The following KLRG1 variants were observed in gnomAD, a reference collection of about 807,000 sequenced individuals.
The protein encoded by KLRG1 is killer cell lectin like receptor G1.
A neutral mutation model predicts 21.8 loss-of-function variants in KLRG1; 16 were observed. That is an observed-to-expected ratio of 0.73 (90% CI 0.50 to 1.11). KLRG1 has a LOEUF of 1.11. Ranked by LOEUF, KLRG1 falls within the 50% of genes most tolerant of loss-of-function variation. The probability of loss-of-function intolerance (pLI) is 0.00; values close to 1 mark genes in which losing one functional copy is unlikely to be tolerated. For missense variants in KLRG1, 173 were observed against 218.3 expected (o/e 0.79, Z 1.31); for synonymous variants, 69 against 75.9 (o/e 0.91, Z 0.47).
At chr12:9,040,197 A>G in the KLRG1 span, among the ~76,000 whole-genome samples, 1 of 152,238 alleles carries the variant, frequency 6.6e-6, no homozygotes, top group East Asian at 1.9e-4. Flanking sequence ...TAATTTCAGT[A>G]TATGGCACAG....
At chr12:9,136,013 A>G in the KLRG1 span, among the ~76,000 whole-genome samples, 74 of 152,308 alleles carry the variant, frequency 4.9e-4, 3 homozygotes, top group African/African-American at 1.7e-3. Context: ...TTTTAAACAT[A>G]GTAGTACTGG....
the KLRG1 span, among the ~76,000 whole-genome samples, chr12:9,209,072 A>G: frequency 1.3e-5 from 2 of 150,650 alleles, no homozygotes; most frequent in Admixed American, 1.3e-4. Flanking sequence ...TTTGAGCCAT[A>G]CTGTGTGCTA....
the KLRG1 span, chr12:9,149,680 T>C: frequency 2.1e-6 from 3 of 1,444,098 alleles, no homozygotes; most frequent in Non-Finnish European, 2.9e-6. Flanking sequence ...CTAGTCACTT[T>C]ACTACTGGAG....
chr12:9,025,250 C>T, the KLRG1 span, among the ~76,000 whole-genome samples: 10 of 152,154 alleles, frequency 6.6e-5, no homozygotes, highest in Middle Eastern at 3.4e-3. Flanking sequence ...AGTCATATGT[C>T]GGGTCAATAG....
chr12:8,989,066 A>G (rs1475901530), upstream of KLRG1, among the ~76,000 whole-genome samples: 3 of 152,252 alleles, frequency 2.0e-5, no homozygotes, highest in Non-Finnish European at 2.9e-5. Flanking sequence ...AGACCATCAC[A>G]CAATTTGGAC....
chr12:9,131,598 G>A, the KLRG1 span, among the ~76,000 whole-genome samples: 1 of 151,902 alleles, frequency 6.6e-6, no homozygotes, highest in African/African-American at 2.4e-5. Flanking sequence ...ATTCCACAAA[G>A]GATAAGATGT....
At chr12:9,108,455 G>A in the KLRG1 span, among the ~76,000 whole-genome samples, 1 of 152,158 alleles carries the variant, frequency 6.6e-6, no homozygotes, top group Admixed American at 6.5e-5. Context: ...GTGGGATTGT[G>A]TCGTAAATAT....
At chr12:9,035,597 A>G in the KLRG1 span, among the ~76,000 whole-genome samples, 4 of 151,936 alleles carry the variant, frequency 2.6e-5, no homozygotes, top group Non-Finnish European at 4.4e-5. Flanking sequence ...TAAAGTAAAA[A>G]AAAAAAAAAA....
At chr12:8,973,708 T>C (rs1228740026) in intron 1 of KLRG1, among the ~76,000 whole-genome samples, 1 of 152,114 alleles carries the variant, frequency 6.6e-6, no homozygotes, top group African/African-American at 2.4e-5. Flanking sequence ...CATTTATCTG[T>C]GTCTTATTTA....
At chr12:9,166,004 A>G in the KLRG1 span, 1 of 1,559,240 alleles carries the variant, frequency 6.4e-7, no homozygotes, top group Admixed American at 2.1e-5. Context: ...TGTTGGAGGA[A>G]CCACATTCCC....
chr12:9,077,221 G>T, the KLRG1 span: 1 of 944,150 alleles, frequency 1.1e-6, no homozygotes, highest in Non-Finnish European at 1.6e-6. Context: ...GATCTGGGAA[G>T]CACTGGCATT....
chr12:9,057,016 T>TAAA, the KLRG1 span, among the ~76,000 whole-genome samples: 3 of 152,240 alleles, frequency 2.0e-5, no homozygotes, highest in African/African-American at 7.2e-5. Context: ...CACTTCTACG[T>TAAA]AAAACTCTTG....
chr12:9,054,809 A>T, the KLRG1 span, among the ~76,000 whole-genome samples: 1 of 152,218 alleles, frequency 6.6e-6, no homozygotes, highest in African/African-American at 2.4e-5. Flanking sequence ...TCTAATCCAA[A>T]AATCTGACAT....
At chr12:9,202,358 A>G in the KLRG1 span, 2 of 1,614,168 alleles carry the variant, frequency 1.2e-6, no homozygotes, top group Non-Finnish European at 1.7e-6. Context: ...CCACGGAGAC[A>G]ACACGGAATC....
At chr12:9,160,558 A>G in the KLRG1 span, 1 of 1,437,548 alleles carries the variant, frequency 7.0e-7, no homozygotes, top group Non-Finnish European at 9.5e-7. Context: ...TATTAACAAA[A>G]ATGGCCTTTA....
the KLRG1 span, among the ~76,000 whole-genome samples, chr12:9,021,689 T>C: frequency 2.0e-5 from 3 of 152,192 alleles, no homozygotes; most frequent in South Asian, 6.2e-4. Context: ...TAAAACTATT[T>C]TTAATTTTTA....
chr12:9,070,614 T>C, the KLRG1 span: 2 of 1,468,140 alleles, frequency 1.4e-6, no homozygotes, highest in Non-Finnish European at 9.5e-7. Context: ...TAGGGTTTTC[T>C]GTGTTTTTAA....
At chr12:9,085,164 C>T in the KLRG1 span, among the ~76,000 whole-genome samples, 2 of 152,072 alleles carry the variant, frequency 1.3e-5, no homozygotes, top group African/African-American at 4.8e-5. Flanking sequence ...TTGACCAACA[C>T]TTTAGATCAA....
At chr12:9,145,212 G>A in the KLRG1 span, among the ~76,000 whole-genome samples, 2 of 152,246 alleles carry the variant, frequency 1.3e-5, no homozygotes, top group African/African-American at 4.8e-5. Flanking sequence ...TGCCATGTTA[G>A]TTGTTTTATG....
Sources: gnomAD v4.1 joint callset for allele counts (sites outside exome capture counted in the v4.1 genomes callset) on GRCh38, gnomAD v4.1.1 for gene constraint, MANE v1.5 for transcripts, NCBI Gene and HGNC (gene_info 2026-07-23, HGNC 2026-07-21) for gene names.